GALNT12: variants seen among roughly 807,000 people sequenced by gnomAD.
The protein encoded by GALNT12 is polypeptide N-acetylgalactosaminyltransferase 12.
Under a neutral mutation model 55.5 loss-of-function variants are expected in GALNT12, and 45 were observed. The ratio of observed to expected loss-of-function variants is 0.81; its 90% CI spans 0.64 to 1.04. GALNT12 has a LOEUF of 1.04. Among genes scored for constraint, GALNT12 ranks in the 50% least tolerant of loss-of-function variants. GALNT12 has a pLI of 0.00. For missense variants in GALNT12, 709 were observed against 754.8 expected, an observed-to-expected ratio of 0.94 and a Z score of 0.71; for synonymous variants, 304 against 312.2, an observed-to-expected ratio of 0.97 and a Z score of 0.28.
At chr9:98,811,070 C>A (rs906157803) in intron 1 of GALNT12, among the ~76,000 whole-genome samples, 1 of 152,070 alleles carries the variant, frequency 6.6e-6, no homozygotes. Context: ...GAATCTTCCC[C>A]AAAACAATGA....
chr9:98,820,839 T>C (rs1376353920), intron 1 of GALNT12, among the ~76,000 whole-genome samples: 2 of 152,246 alleles, frequency 1.3e-5, no homozygotes, highest in East Asian at 1.9e-4. Flanking sequence ...TTAAAGAATG[T>C]CGTGTCTTCC....
intron 1 of GALNT12, among the ~76,000 whole-genome samples, chr9:98,822,347 C>CCGTGA (rs1364743399): frequency 2.0e-5 from 3 of 152,232 alleles, no homozygotes; most frequent in Admixed American, 6.5e-5. Context: ...TTAGTCAGTC[C>CCGTGA]CGTGACACTG....
At chr9:98,823,952 C>G (rs1234263185) in intron 2 of GALNT12, among the ~76,000 whole-genome samples, 1 of 152,172 alleles carries the variant, frequency 6.6e-6, no homozygotes, top group Non-Finnish European at 1.5e-5. Context: ...TAGCATCAGC[C>G]CGTGAATCCT....
chr9:98,827,518 A>T (rs1222316332), intron 3 of GALNT12, among the ~76,000 whole-genome samples: 1 of 152,212 alleles, frequency 6.6e-6, no homozygotes, highest in Non-Finnish European at 1.5e-5. Context: ...CCGAGGAAGT[A>T]TCATCAACCA....
intron 9 of GALNT12, chr9:98,847,342 A>C (rs1476017629): frequency 6.6e-6 from 1 of 152,144 alleles, no homozygotes; most frequent in African/African-American, 2.4e-5. Context: ...AAAGCCACAC[A>C]CCATGGTGTT....
intron 7 of GALNT12, among the ~76,000 whole-genome samples, chr9:98,841,803 T>C (rs1836293826): frequency 6.6e-6 from 1 of 152,012 alleles, no homozygotes; most frequent in Non-Finnish European, 1.5e-5. Context: ...CCCGAGTAGC[T>C]GGGATTATAG....
Position 98,840,055 on chromosome 9 carries a change from TAA to T in GALNT12, c.1268_1269del (p.Lys423ArgfsTer17). 6.2e-7 allele frequency: 1 copy of T among 1,614,188 alleles called. No homozygotes were observed. Among genetic ancestry groups the T allele is most frequent in the Non-Finnish European group, 8.5e-7 (1 of 1,180,028 alleles). ...RKQLRDKLQC[K>X]DFKWFLETVY... ...AGCAGCTCCGGGACAAGCTCCAGTGTAAAGACTTCAAGTGGTTCTTGGAGACT... is the reference window on the plus strand; with the variant it reads ...AGCAGCTCCGGGACAAGCTCCAGTGTAGACTTCAAGTGGTTCTTGGAGACT... On this transcript the variant is annotated frameshift_variant, in exon 7 of 10. Transcript: ENST00000375011. LOFTEE classifies it high-confidence loss of function.
Position 98,826,953 on chromosome 9 carries a change from G to T in GALNT12, c.731+12G>T, listed in dbSNP as rs189097050. The T allele has an allele frequency of 1.3e-6, 2 of 1,553,166 alleles. No individual in the cohort carries two copies. Among genetic ancestry groups the T allele is most frequent in the African/African-American group, 1.4e-5 (1 of 73,178 alleles). On this transcript the variant is annotated intron_variant, in intron 3 of 9. Transcript: ENST00000375011. ...CCGCTGCTGCAGAGGTACGTGAGCC[G>T]CCCACCATGGGAGAGACAGCATGTT...
rs767195840 is a variant in GALNT12 at position 98,840,115 on chromosome 9, GC to G, written c.1328del (p.Pro443LeufsTer12). Reference sequence around the variant, plus strand: ...CAGAACTGCATGTGCCTGAGGACAGGCCTGGCTTCTTCGGGATGGTGAGTGA... The same window carrying G: ...CAGAACTGCATGTGCCTGAGGACAGGCTGGCTTCTTCGGGATGGTGAGTGA... ...YPELHVPEDRPGFFGMLQNKG... is the reference protein window; with the variant it reads ...YPELHVPEDRXGFFGMLQNKG... On this transcript the variant is annotated frameshift_variant, in exon 7 of 10. Coordinates refer to ENST00000375011, the MANE Select transcript of GALNT12 (RefSeq NM_024642.5). LOFTEE classifies it high-confidence loss of function. The G allele has an allele frequency of 2.5e-6, 4 of 1,613,886 alleles. No individual in the cohort carries two copies. Among genetic ancestry groups the G allele is most frequent in the Non-Finnish European group, 3.4e-6 (4 of 1,180,004 alleles).
At chr9:98,824,818 A>G (rs913516304) in intron 2 of GALNT12, among the ~76,000 whole-genome samples, 8 of 152,196 alleles carry the variant, frequency 5.3e-5, no homozygotes, top group South Asian at 4.1e-4. Flanking sequence ...GGGATCATGT[A>G]TAGGACAGAA....
At chr9:98,821,455 A>G (rs1237029724) in intron 1 of GALNT12, among the ~76,000 whole-genome samples, 3 of 151,906 alleles carry the variant, frequency 2.0e-5, no homozygotes, top group African/African-American at 7.2e-5. Context: ...CACCGTCTCT[A>G]CTAAAAATAC....
In GALNT12 at chr9:98,826,876, T is replaced by A; in HGVS notation, c.666T>A (p.Asp222Glu). 6.3e-7 allele frequency: 1 copy of A among 1,595,794 alleles called. No individual in the cohort carries two copies. The highest frequency in any genetic ancestry group is 8.5e-7 in the Non-Finnish European group (1 of 1,171,392). ...TGGGGGCGTCTGCGGCGAGGGGCGA[T>A]GTTCTGACCTTCCTGGACTGTCACT... The part of the protein sequence containing the change: ...RLLGASAARG[D>E]VLTFLDCHCE... Residue 222 changes from aspartate (D) to glutamate (E), a missense_variant, in exon 3 of 10, where the codon GAT (aspartate) becomes GAA (glutamate). Physicochemically the swap from Asp to Glu is conservative, Grantham distance 45. This residue lies in a region of GALNT12 where 315 missense variants were observed against 288.6 expected (regional missense o/e 1.09). Transcript: ENST00000375011.
chr9:98,844,689 A>G (rs1381609710), intron 8 of GALNT12, among the ~76,000 whole-genome samples: 1 of 152,150 alleles, frequency 6.6e-6, no homozygotes, highest in African/African-American at 2.4e-5. Flanking sequence ...TTAATTGTTA[A>G]GTGGAATGAC....
intron 1 of GALNT12, among the ~76,000 whole-genome samples, chr9:98,818,359 A>G (rs2118323214): frequency 6.6e-6 from 1 of 152,140 alleles, no homozygotes; most frequent in African/African-American, 2.4e-5. Flanking sequence ...AGTAGCTGGG[A>G]TTACAGGCAG....
chr9:98,834,767 CCTT>C (rs1221607939), intron 4 of GALNT12, among the ~76,000 whole-genome samples: 2 of 152,232 alleles, frequency 1.3e-5, no homozygotes, highest in African/African-American at 4.8e-5. Flanking sequence ...CTGGAGCCTG[CCTT>C]CTTCTCGGAA....
rs1588444640 is a variant in GALNT12 at position 98,823,283 on chromosome 9, T to C, written c.399T>C (p.Asp133=). Residue 133 remains aspartate (D), a synonymous_variant, in exon 2 of 10, where the codon GAT becomes GAC. Transcript: ENST00000375011. Reference sequence around the variant, plus strand: ...GCAAAGAGAAGAAATATGATTATGATAATTTGCCCAGGACATCTGTTATCA... The same window carrying C: ...GCAAAGAGAAGAAATATGATTATGACAATTTGCCCAGGACATCTGTTATCA... ...PLCKEKKYDY[D]NLPRTSVIIA... is the part of the protein sequence containing the mutation. The C allele has an allele frequency of 3.1e-6, 5 of 1,614,180 alleles. No individual in the cohort carries two copies. The highest frequency in any genetic ancestry group is 4.2e-6 in the Non-Finnish European group (5 of 1,180,000).
intron 3 of GALNT12, among the ~76,000 whole-genome samples, chr9:98,828,503 G>A (rs1161906704): frequency 6.6e-6 from 1 of 152,112 alleles, no homozygotes; most frequent in Admixed American, 6.5e-5. Flanking sequence ...ATGGGGAGAG[G>A]ACATTTCTTT....
intron 1 of GALNT12, among the ~76,000 whole-genome samples, chr9:98,820,276 G>A (rs1284927404): frequency 2.0e-5 from 3 of 152,168 alleles, no homozygotes; most frequent in African/African-American, 2.4e-5. Flanking sequence ...GCCCCAGTGT[G>A]TGTTGTTCCA....
chr9:98,829,307 G>A (rs905523984), intron 3 of GALNT12, among the ~76,000 whole-genome samples: 5 of 151,928 alleles, frequency 3.3e-5, no homozygotes, highest in Non-Finnish European at 5.9e-5. Context: ...TCCTGGCTCA[G>A]CCTCCTGAGT....
Sources: allele counts gnomAD v4.1 joint callset (sites outside exome capture counted in the v4.1 genomes callset), GRCh38; gene constraint gnomAD v4.1.1; regional missense constraint gnomAD v4.1.1; transcripts MANE v1.5; gene names NCBI Gene and HGNC (gene_info 2026-07-23, HGNC 2026-07-21).